Variants in TRIM60 observed in about 807,000 individuals in gnomAD.
The protein encoded by TRIM60 is tripartite motif-containing protein 60.
For synonymous variants in TRIM60, 189 were observed against 195.2 expected, an observed-to-expected ratio of 0.97 and a Z score of 0.27; for missense variants, 524 against 540.8, an observed-to-expected ratio of 0.97 and a Z score of 0.31.
At position 165,040,282 on chromosome 4, in the gene TRIM60, G is replaced by C. The variant is rs761092020; in HGVS notation, c.210G>C (p.Gln70His). ...FPYKSFRRNPQLRNLTEIAKQ... is the reference protein window; with the variant it reads ...FPYKSFRRNPHLRNLTEIAKQ... Reference sequence around the variant, plus strand: ...ACAAGAGCTTCAGGAGGAACCCCCAGCTCCGTAATTTGACTGAAATTGCTA... The same window carrying C: ...ACAAGAGCTTCAGGAGGAACCCCCACCTCCGTAATTTGACTGAAATTGCTA... Residue 70 changes from glutamine to histidine, a missense_variant, in exon 3 of 3, where the codon CAG (glutamine) becomes CAC (histidine). Gln to His is a conservative substitution (Grantham distance 24, BLOSUM62 0). Transcript: ENST00000512596. 6.8e-6 allele frequency: 11 copies of C among 1,614,034 alleles called. No individual in the cohort carries two copies. Among genetic ancestry groups the C allele is most frequent in the Non-Finnish European group, 9.3e-6 (11 of 1,180,028 alleles).
In TRIM60 at chr4:165,041,375, T is replaced by C. The variant is rs755965200; in HGVS notation, c.1303T>C (p.Ser435Pro). The C allele has an allele frequency of 5.6e-6, 9 of 1,613,906 alleles. No homozygotes were observed. In the Admixed American group the frequency reaches 1.2e-4, roughly 21 times the overall value. The part of the protein sequence containing the change: ...DLSFYNMNDR[S>P]ILYTFNDCFT... ...TTCCTTTTATAATATGAATGATAGG[T>C]CTATTCTCTATACTTTTAACGATTG... is the stretch of plus-strand genomic sequence containing the variant. Residue 435 changes from serine (S) to proline (P), a missense_variant, in exon 3 of 3, where the codon TCT becomes CCT. By Grantham distance (74) the Ser-to-Pro change is moderately conservative. Transcript: ENST00000512596.
chr4:165,035,984 A>G (rs1733613950), intron 1 of TRIM60, among the ~76,000 whole-genome samples: 1 of 152,146 alleles, frequency 6.6e-6, no homozygotes, highest in African/African-American at 2.4e-5. Flanking sequence ...TGGCCTCCCA[A>G]AGTACTGGGA....
intron 1 of TRIM60, among the ~76,000 whole-genome samples, chr4:165,038,144 T>C (rs1336981414): frequency 6.6e-6 from 1 of 152,174 alleles, no homozygotes; most frequent in Non-Finnish European, 1.5e-5. Context: ...GAGAGGTGTT[T>C]ATAAAGATCA....
chr4:165,032,476 C>G (rs981199042), intron 1 of TRIM60, among the ~76,000 whole-genome samples: 6 of 152,110 alleles, frequency 3.9e-5, no homozygotes, highest in African/African-American at 1.2e-4. Context: ...GTCGAACTTC[C>G]GACCTCAGGT....
chr4:165,032,567 G>A (rs1482547659), intron 1 of TRIM60, among the ~76,000 whole-genome samples: 6 of 152,100 alleles, frequency 3.9e-5, no homozygotes, highest in African/African-American at 1.2e-4. Context: ...TTTTCGCCGC[G>A]GAGGCAGTGG....
At position 165,041,145 on chromosome 4, in the gene TRIM60, A is replaced by G; in HGVS notation, c.1073A>G (p.Asn358Ser). ...GRHYWEVEVG[N>S]KPKWILGVCQ... ...CATTACTGGGAAGTAGAAGTGGGAAACAAACCTAAATGGATATTGGGTGTG... is the reference window on the plus strand; with the variant it reads ...CATTACTGGGAAGTAGAAGTGGGAAGCAAACCTAAATGGATATTGGGTGTG... The change falls in exon 3 of 3, where the codon AAC becomes AGC. Residue 358 changes from asparagine (N) to serine (S), a missense_variant. By Grantham distance (46) the Asn-to-Ser change is conservative. Coordinates refer to ENST00000512596, the MANE Select transcript of TRIM60 (RefSeq NM_152620.3). 6.2e-7 allele frequency: 1 copy of G among 1,614,220 alleles called. No individual in the cohort carries two copies. Among genetic ancestry groups the G allele is most frequent in the Non-Finnish European group, 8.5e-7 (1 of 1,180,046 alleles).
chr4:165,037,132 C>T (rs1057210991), intron 1 of TRIM60, among the ~76,000 whole-genome samples: 12 of 151,576 alleles, frequency 7.9e-5, no homozygotes, highest in African/African-American at 2.2e-4. Context: ...ACCCAGGAGG[C>T]GGAGGTTGCA....
intron 2 of TRIM60, 108 bp from the exon 3 acceptor site, chr4:165,039,960 GA>G (rs1292055233): frequency 1.2e-6 from 1 of 831,326 alleles, no homozygotes; most frequent in Non-Finnish European, 1.9e-6. Flanking sequence ...ACCTAAACCT[GA>G]TCAATCTACA....
In TRIM60 at chr4:165,041,041, A is replaced by C. The variant is rs778877732; in HGVS notation, c.969A>C (p.Lys323Asn). 6.2e-7 allele frequency: 1 copy of C among 1,614,056 alleles called. No homozygotes were observed. The highest frequency in any genetic ancestry group is 1.1e-5 in the South Asian group (1 of 91,084). The change falls in exon 3 of 3, where the codon AAA (lysine) becomes AAC (asparagine). Residue 323 changes from lysine to asparagine, a missense_variant. Lys to Asn is a moderately conservative substitution (Grantham distance 94). Transcript: ENST00000512596. ...DRKAVRYERK[K>N]RNICYDPRRF... ...AAGCTGTGCGATATGAAAGAAAAAA[A>C]CGAAACATTTGTTATGACCCAAGGA...
chr4:165,034,613 A>G (rs1199647303), intron 1 of TRIM60, among the ~76,000 whole-genome samples: 1 of 152,262 alleles, frequency 6.6e-6, no homozygotes, highest in Non-Finnish European at 1.5e-5. Flanking sequence ...GGTGTGTTAA[A>G]ACAAGGATTA....
intron 1 of TRIM60, among the ~76,000 whole-genome samples, chr4:165,036,933 C>T (rs141850685): frequency 1.4e-3 from 211 of 150,684 alleles, no homozygotes; most frequent in African/African-American, 5.0e-3. Context: ...CAGTGGCTTA[C>T]GCCTGTAATC....
chr4:165,033,556 C>T (rs1044134552), intron 1 of TRIM60, among the ~76,000 whole-genome samples: 1 of 152,136 alleles, frequency 6.6e-6, no homozygotes, highest in Admixed American at 6.6e-5. Context: ...AAAGCCATTC[C>T]ATTGGAAATC....
In TRIM60 at chr4:165,040,611, G is replaced by A. The variant is rs1733735021; in HGVS notation, c.539G>A (p.Arg180Lys). The A allele has an allele frequency of 6.2e-7, 1 of 1,613,986 alleles. No homozygotes were observed. Among genetic ancestry groups the A allele is most frequent in the African/African-American group, 1.3e-5 (1 of 74,920 alleles). Residue 180 changes from arginine (R) to lysine (K), a missense_variant, in exon 3 of 3, where the codon AGG (arginine) becomes AAG (lysine). Arg to Lys is a conservative substitution (Grantham distance 26). Transcript: ENST00000512596. ...CTGAAAAAGAAGGTAGAATATAAGA[G>A]GGAAGAAATAAATTCTGAGTTTGAG... ...VELKKKVEYK[R>K]EEINSEFEQI... is the part of the protein sequence containing the mutation.
At chr4:165,032,952 C>T (rs1026334550) in intron 1 of TRIM60, among the ~76,000 whole-genome samples, 1 of 150,492 alleles carries the variant, frequency 6.6e-6, no homozygotes, top group African/African-American at 2.5e-5. Flanking sequence ...GAGGCCGATG[C>T]GGGAGGATCG....
At chr4:165,037,469 A>C (rs992730749) in intron 1 of TRIM60, among the ~76,000 whole-genome samples, 6 of 151,788 alleles carry the variant, frequency 4.0e-5, no homozygotes, top group Non-Finnish European at 8.8e-5. Context: ...GACTACAGGC[A>C]TGTGCCACCA....
chr4:165,037,531 G>A (rs1733647642), intron 1 of TRIM60, among the ~76,000 whole-genome samples: 1 of 151,856 alleles, frequency 6.6e-6, no homozygotes, highest in Admixed American at 6.6e-5. Context: ...CACCATGTTG[G>A]CCAGGATGGT....
intron 1 of TRIM60, among the ~76,000 whole-genome samples, chr4:165,035,657 TTCA>T (rs1286322871): frequency 6.6e-6 from 1 of 152,176 alleles, no homozygotes; most frequent in Non-Finnish European, 1.5e-5. Context: ...AAAGCAGCTA[TTCA>T]TCATAAACCT....
chr4:165,041,506 C>G lies in TRIM60; in HGVS notation c.*18C>G. ...AAAGATAAGGAACTGGTAAATGGGT[C>G]TGTTTCAGTTTTTGTAGGTAACTTA... On this transcript the variant is annotated 3_prime_UTR_variant, in exon 3 of 3. Transcript: ENST00000512596. The G allele has an allele frequency of 6.8e-7, 1 of 1,480,662 alleles. No individual in the cohort carries two copies. The highest frequency in any genetic ancestry group is 9.0e-7 in the Non-Finnish European group (1 of 1,107,320). 91.7% of individuals were successfully genotyped at this position (1,480,662 alleles called of 1,614,324 possible).
At chr4:165,034,018 T>C (rs1382866237) in intron 1 of TRIM60, among the ~76,000 whole-genome samples, 1 of 152,212 alleles carries the variant, frequency 6.6e-6, no homozygotes, top group Admixed American at 6.5e-5. Context: ...TGGCTTATAA[T>C]GCTGTTCTTT....
Sources: allele counts gnomAD v4.1 joint callset (sites outside exome capture counted in the v4.1 genomes callset), GRCh38; gene constraint gnomAD v4.1.1; transcripts MANE v1.5; gene names NCBI Gene and HGNC (gene_info 2026-07-23, HGNC 2026-07-21).